The following MIER1 variants were observed in gnomAD, a reference collection of about 807,000 sequenced individuals.
MIER1 encodes the protein mesoderm induction early response protein 1.
Under a neutral mutation model 75.7 loss-of-function variants are expected in MIER1, and 40 were observed. That is an observed-to-expected ratio of 0.53 (90% CI 0.41 to 0.69). MIER1 has a LOEUF of 0.69. MIER1 is among the 30% of genes least tolerant of loss of function. MIER1 has a pLI of 0.00. For missense variants in MIER1, 574 were observed against 680.2 expected (o/e 0.84, Z 1.74); for synonymous variants, 213 against 223.4 (o/e 0.95, Z 0.42).
chr1:66,971,860 A>G (rs1436895706), intron 10 of MIER1, 124 bp downstream of exon 10: 6 of 530,242 alleles, frequency 1.1e-5, no homozygotes, highest in Non-Finnish European at 1.7e-5. Context: ...AATATTTACA[A>G]AATACCAAGT....
rs1182026215 is a variant in MIER1 at position 66,987,215 on chromosome 1, A to G, written c.*2315A>G. ...TGTGTTTATACAGGTATTTCACACA[A>G]TAATTTGTTCTTAATGCAGCCACTA... On this transcript the variant is annotated 3_prime_UTR_variant, in exon 14 of 14. Transcript: ENST00000401041. 1 of 152,754 alleles carries G rather than the reference A, an allele frequency of 6.5e-6. No homozygotes were observed. Among genetic ancestry groups the G allele is most frequent in the African/African-American group, 2.4e-5 (1 of 41,474 alleles). The allele number at this position is 152,754 out of a possible 1,614,324, so 9.5% of individuals were successfully genotyped here.
chr1:66,979,097 G>T (rs1206032193), intron 12 of MIER1, among the ~76,000 whole-genome samples: 2 of 147,872 alleles, frequency 1.4e-5, no homozygotes, highest in African/African-American at 5.0e-5. Context: ...CCACTGGGTT[G>T]TTTTTTTTTT....
chr1:66,964,036 A>C (rs1661808201), intron 8 of MIER1, among the ~76,000 whole-genome samples: 1 of 152,068 alleles, frequency 6.6e-6, no homozygotes, highest in Admixed American at 6.5e-5. Context: ...AAAGTCCTGA[A>C]GTAAGTCATA....
intron 4 of MIER1, among the ~76,000 whole-genome samples, chr1:66,957,183 A>G (rs1178793308): frequency 6.6e-6 from 1 of 152,146 alleles, no homozygotes; most frequent in East Asian, 1.9e-4. Context: ...GATGCTGTGC[A>G]TTTCTTGTTT....
intron 4 of MIER1, among the ~76,000 whole-genome samples, chr1:66,955,364 T>A (rs1031349503): frequency 3.7e-4 from 54 of 145,394 alleles, no homozygotes; most frequent in African/African-American, 1.1e-3. Flanking sequence ...TTTTTTTTTT[T>A]AATTGCAGGT....
chr1:66,979,272 C>T (rs888327824), intron 12 of MIER1, among the ~76,000 whole-genome samples: 3 of 152,146 alleles, frequency 2.0e-5, no homozygotes, highest in African/African-American at 7.2e-5. Context: ...TTAATAGCTG[C>T]ACTTTAAGTG....
chr1:66,966,898 A>G (rs536917702), intron 8 of MIER1, among the ~76,000 whole-genome samples: 94 of 152,262 alleles, frequency 6.2e-4, no homozygotes, highest in African/African-American at 2.2e-3. Flanking sequence ...AGCTCCTTAT[A>G]TATTCTAGTT....
At chr1:66,950,829 T>G (rs1658760853) in intron 4 of MIER1, among the ~76,000 whole-genome samples, 1 of 63,580 alleles carries the variant, frequency 1.6e-5, no homozygotes, top group Non-Finnish European at 3.0e-5. Context: ...ATTGGTTACC[T>G]TAGGAACCAT....
intron 7 of MIER1, among the ~76,000 whole-genome samples, chr1:66,960,714 A>G (rs536042586): frequency 6.6e-6 from 1 of 152,202 alleles, no homozygotes; most frequent in African/African-American, 2.4e-5. Flanking sequence ...TTGAGAGACA[A>G]GGTTAGCCCA....
At chr1:66,948,862 G>A (rs1310062878) in intron 4 of MIER1, among the ~76,000 whole-genome samples, 1 of 152,182 alleles carries the variant, frequency 6.6e-6, no homozygotes, top group Admixed American at 6.5e-5. Context: ...TAGCACTGCT[G>A]CTCTCCAGCC....
chr1:66,931,738 G>A (rs1259301333), intron 2 of MIER1, among the ~76,000 whole-genome samples: 1 of 152,240 alleles, frequency 6.6e-6, no homozygotes, highest in Admixed American at 6.5e-5. Context: ...GTTTGTTCCA[G>A]TAGACTGAGA....
At chr1:66,933,412 T>C (rs1437612159) in intron 2 of MIER1, among the ~76,000 whole-genome samples, 2 of 152,208 alleles carry the variant, frequency 1.3e-5, no homozygotes, top group Non-Finnish European at 2.9e-5. Flanking sequence ...TTCTGTGATA[T>C]AAAGAGAAAA....
chr1:66,945,318 A>ATATAT (rs1558042276), intron 3 of MIER1, among the ~76,000 whole-genome samples: 8 of 134,770 alleles, frequency 5.9e-5, no homozygotes, highest in Non-Finnish European at 9.9e-5. Flanking sequence ...TATATATATA[A>ATATAT]AATACCTAAT....
At chr1:66,952,513 A>G (rs1017295710) in intron 4 of MIER1, among the ~76,000 whole-genome samples, 1 of 152,160 alleles carries the variant, frequency 6.6e-6, no homozygotes, top group Non-Finnish European at 1.5e-5. Flanking sequence ...CTAACCTCAA[A>G]CTAGGTTAGA....
intron 13 of MIER1, 74 bp from the exon 14 acceptor site, chr1:66,984,498 C>T: frequency 1.9e-6 from 2 of 1,050,540 alleles, no homozygotes; most frequent in South Asian, 3.2e-5. Context: ...ACAATAACTA[C>T]AAGCTGTTTT....
At chr1:66,953,879 C>T in intron 4 of MIER1, among the ~76,000 whole-genome samples, 1 of 152,148 alleles carries the variant, frequency 6.6e-6, no homozygotes, top group Non-Finnish European at 1.5e-5. Flanking sequence ...ACTGGGATTA[C>T]AGGTGTGAGC....
At chr1:66,955,346 T>TA (rs1433902121) in intron 4 of MIER1, among the ~76,000 whole-genome samples, 1 of 138,592 alleles carries the variant, frequency 7.2e-6, no homozygotes, top group African/African-American at 2.8e-5. Flanking sequence ...GTTTTTTTTT[T>TA]TTTTTTTTTT....
intron 13 of MIER1, 91 bp downstream of exon 13, chr1:66,982,009 C>A: frequency 7.4e-7 from 1 of 1,352,936 alleles, no homozygotes; most frequent in Non-Finnish European, 1.0e-6. Flanking sequence ...TTCTATTAAA[C>A]TTCCAGAGCA....
At chr1:66,927,048 A>C (rs1651987218) in intron 2 of MIER1, among the ~76,000 whole-genome samples, 1 of 152,192 alleles carries the variant, frequency 6.6e-6, no homozygotes, top group African/African-American at 2.4e-5. Context: ...TGGTTGAAGT[A>C]AGATTGTGCT....
Sources: gnomAD v4.1 joint callset for allele counts (sites outside exome capture counted in the v4.1 genomes callset) on GRCh38, gnomAD v4.1.1 for gene constraint, MANE v1.5 for transcripts, NCBI Gene and HGNC (gene_info 2026-07-23, HGNC 2026-07-21) for gene names.